Variants in NPHP4 observed in about 807,000 individuals in gnomAD.
NPHP4 encodes nephrocystin-4.
NPHP4 carries 151 observed loss-of-function variants against 155.8 expected under a neutral mutation model. The observed-to-expected ratio is 0.97, with a 90% confidence interval of 0.85 to 1.11. The LOEUF (loss-of-function observed/expected upper bound fraction) is 1.11. NPHP4 is among the 50% of genes least tolerant of loss of function. The pLI, the probability that NPHP4 is intolerant of heterozygous loss-of-function variation, is 0.00. For synonymous variants in NPHP4, 845 were observed against 816.8 expected (o/e 1.03, Z -0.59); for missense variants, 1,956 against 1,925.7 (o/e 1.02, Z -0.29).
chr1:5,881,792 A>G (rs1643309604), intron 18 of NPHP4: 1 of 152,256 alleles, frequency 6.6e-6, no homozygotes, highest in Non-Finnish European at 1.5e-5. Context: ...TCTCAGTCCA[A>G]GCCAGGCTGG....
At chr1:5,900,445 G>C (rs1331961451) in intron 16 of NPHP4, among the ~76,000 whole-genome samples, 2 of 152,148 alleles carry the variant, frequency 1.3e-5, no homozygotes, top group East Asian at 1.9e-4. Flanking sequence ...CTGGGGGGAA[G>C]AAACCAGTTT....
intron 10 of NPHP4, among the ~76,000 whole-genome samples, chr1:5,928,037 G>T (rs1011763486): frequency 6.6e-6 from 1 of 152,094 alleles, no homozygotes; most frequent in African/African-American, 2.4e-5. Context: ...AATCTCTCTC[G>T]AGTTGTGAAT....
At chr1:5,973,541 C>T (rs1467401866) in intron 3 of NPHP4, among the ~76,000 whole-genome samples, 8 of 152,114 alleles carry the variant, frequency 5.3e-5, no homozygotes, top group African/African-American at 1.9e-4. Context: ...GAGCTATGAT[C>T]GCACCATTGC....
chr1:5,937,261 C>A (rs114412074), intron 9 of NPHP4, among the ~76,000 whole-genome samples: 2,714 of 152,090 alleles, frequency 0.018, 36 homozygotes, highest in Non-Finnish European at 0.029. Flanking sequence ...AGAAACTTAG[C>A]CCTACCACAC....
At position 5,961,965 on chromosome 1, in the gene NPHP4, CA is replaced by C; in HGVS notation, c.518-17del. The C allele has an allele frequency of 2.5e-6, 4 of 1,586,270 alleles. No homozygotes were observed. The highest frequency in any genetic ancestry group is 3.5e-6 in the Non-Finnish European group (4 of 1,157,330). On this transcript the variant is annotated splice_polypyrimidine_tract_variant and intron_variant, in intron 5 of 29. Coordinates refer to ENST00000378156, the MANE Select transcript of NPHP4 (RefSeq NM_015102.5). Reference sequence around the variant, plus strand: ...TGTCTGTTTTCTGGTGAAGAAAACACAATGTGATCAACTGATAGCTGAAAGC... The same window carrying C: ...TGTCTGTTTTCTGGTGAAGAAAACACATGTGATCAACTGATAGCTGAAAGC...
In NPHP4 at chr1:5,889,488, A is replaced by G. The variant is rs1644001800; in HGVS notation, c.2304+1380T>C. Among the ~76,000 whole-genome samples the G allele has an allele frequency of 6.6e-6, 1 of 152,128 alleles. No individual in the cohort carries two copies. The highest frequency in any genetic ancestry group is 1.9e-4 in the East Asian group (1 of 5,186). On this transcript the variant is annotated intron_variant, in intron 17 of 29. Coordinates refer to ENST00000378156, the MANE Select transcript of NPHP4 (RefSeq NM_015102.5). The surrounding 1 kb of genome is among the most constrained non-coding windows in gnomAD (Gnocchi z 4.2). ...TAAGGGGCTCTTCGTGTAGGGGGAG[A>G]TCAAATGGCTTCCGTCTCCAGGTGG...
chr1:5,873,494 A>G, intron 22 of NPHP4, 159 bp from the exon 23 acceptor site: 1 of 660,840 alleles, frequency 1.5e-6, no homozygotes, highest in South Asian at 1.7e-5. Context: ...TCACTGTGCC[A>G]GAGAAGGCTG....
chr1:5,962,514 G>C (rs921327487), intron 5 of NPHP4, among the ~76,000 whole-genome samples: 3 of 152,210 alleles, frequency 2.0e-5, no homozygotes, highest in Non-Finnish European at 2.9e-5. Flanking sequence ...GCCTGCCTTT[G>C]TGTGTCAGCA....
chr1:5,916,393 T>C (rs1228632588), intron 11 of NPHP4, among the ~76,000 whole-genome samples: 1 of 152,198 alleles, frequency 6.6e-6, no homozygotes, highest in Non-Finnish European at 1.5e-5. Flanking sequence ...CTAGTGGGTA[T>C]TTAAAAGTCT....
Position 5,890,975 on chromosome 1 carries a change from C to T in NPHP4, c.2197G>A (p.Gly733Ser). Reference protein sequence around the residue: ...YMVGPGFLKPGERRCFARYLA... With the variant: ...YMVGPGFLKPSERRCFARYLA... ...TAGCGGGCAAAGCAGCGCCGCTCAC[C>T]TGGCTTCAGGAACCCAGGGCCCACC... Residue 733 changes from glycine (G) to serine (S), a missense_variant, in exon 17 of 30, where the codon GGT (glycine) becomes AGT (serine). By Grantham distance (56) the Gly-to-Ser change is moderately conservative. Transcript: ENST00000378156. The surrounding 1 kb of genome is among the most constrained non-coding windows in gnomAD (Gnocchi z 4.9). 6.3e-7 allele frequency: 1 copy of T among 1,589,078 alleles called. No individual in the cohort carries two copies. The highest frequency in any genetic ancestry group is 8.6e-7 in the Non-Finnish European group (1 of 1,160,850).
In NPHP4 at chr1:5,878,833, G is replaced by T. The variant is rs139625068; in HGVS notation, c.2611+1281C>A. Among the ~76,000 whole-genome samples, 840 of 152,230 alleles carry T rather than the reference G, an allele frequency of 5.5e-3. 6 individuals are homozygous for T. Among genetic ancestry groups the T allele is most frequent in the Middle Eastern group, 0.01 (3 of 294 alleles). Reference sequence around the variant, plus strand: ...TGGAGCTCAGGGACTTCTCTCTAAGGAGCTGGCTCTCCACCGTACTCTAGG... The same window carrying T: ...TGGAGCTCAGGGACTTCTCTCTAAGTAGCTGGCTCTCCACCGTACTCTAGG... On this transcript the variant is annotated intron_variant, in intron 19 of 29. Transcript: ENST00000378156.
intron 11 of NPHP4, among the ~76,000 whole-genome samples, chr1:5,925,407 C>T (rs1450159494): frequency 1.3e-5 from 2 of 152,160 alleles, no homozygotes; most frequent in South Asian, 2.1e-4. Context: ...GGAACCAGTC[C>T]CCCACGGATA....
chr1:5,878,354 T>G (rs895604891), intron 19 of NPHP4, among the ~76,000 whole-genome samples: 4 of 152,208 alleles, frequency 2.6e-5, no homozygotes, highest in African/African-American at 9.6e-5. Flanking sequence ...CCCGCGTGGC[T>G]CTTACAAGTC....
chr1:5,864,503 A>C lies in NPHP4; in HGVS notation c.3831T>G (p.Gly1277=). ...CCCCACGAGGCGGCAGCACGAAGACACCTTTGGGGTCTGTCTTCAAGAGCG... is the reference window on the plus strand; with the variant it reads ...CCCCACGAGGCGGCAGCACGAAGACCCCTTTGGGGTCTGTCTTCAAGAGCG... ...HPQELKTDPK[G]VFVLPPRGVQ... is the part of the protein sequence containing the mutation. Residue 1277 remains glycine, a synonymous_variant, in exon 28 of 30, where the codon GGT becomes GGG. Transcript: ENST00000378156. 6.3e-7 allele frequency: 1 copy of C among 1,578,008 alleles called. No homozygotes were observed. The highest frequency in any genetic ancestry group is 1.8e-5 in the Admixed American group (1 of 55,584).
At chr1:5,881,698 A>C (rs1643299524) in intron 18 of NPHP4, 1 of 152,258 alleles carries the variant, frequency 6.6e-6, no homozygotes, top group East Asian at 1.9e-4. Flanking sequence ...GTGACGCAGC[A>C]GCGAACAATC....
chr1:5,953,485 T>C (rs1218495698), intron 6 of NPHP4, among the ~76,000 whole-genome samples: 1 of 152,238 alleles, frequency 6.6e-6, no homozygotes, highest in Non-Finnish European at 1.5e-5. Context: ...TGCAGCCTGC[T>C]GCCCGGCATG....
chr1:5,909,218 G>A lies in NPHP4; in HGVS notation c.1442-5C>T. On this transcript the variant is annotated splice_region_variant and splice_polypyrimidine_tract_variant and intron_variant, in intron 11 of 29. Coordinates refer to ENST00000378156, the MANE Select transcript of NPHP4 (RefSeq NM_015102.5). ...GAGGTACTGGCGCTGGCGGGCCTGGGAGGAAGCACAGTGGGGTAGGAGAGG... is the reference window on the plus strand; with the variant it reads ...GAGGTACTGGCGCTGGCGGGCCTGGAAGGAAGCACAGTGGGGTAGGAGAGG... 1 of 1,600,902 alleles carries A rather than the reference G, an allele frequency of 6.2e-7. No individual in the cohort carries two copies. The highest frequency in any genetic ancestry group is 8.5e-7 in the Non-Finnish European group (1 of 1,173,956).
At position 5,867,350 on chromosome 1, in the gene NPHP4, G is replaced by C. The variant is rs556446053; in HGVS notation, c.3473-235C>G. On this transcript the variant is annotated intron_variant, in intron 24 of 29. Coordinates refer to ENST00000378156, the MANE Select transcript of NPHP4 (RefSeq NM_015102.5). This position sits in a 1 kb window ranked among gnomAD's most constrained non-coding sequence, Gnocchi z 4.1. ...GCTCGGCTGCAGCCATCTCCACAGG[G>C]AATAATCGAGGGGGCCACAAAAAAG... 1.8e-6 allele frequency: 1 copy of C among 559,484 alleles called. No individual in the cohort carries two copies. Among genetic ancestry groups the C allele is most frequent in the Non-Finnish European group, 3.2e-6 (1 of 315,908 alleles). 34.7% of individuals were successfully genotyped at this position (559,484 alleles called of 1,614,324 possible).
chr1:5,876,983 G>A (rs1411962856), intron 20 of NPHP4, 110 bp downstream of exon 20: 5 of 754,668 alleles, frequency 6.6e-6, no homozygotes, highest in African/African-American at 3.6e-5. Flanking sequence ...CTGTCCCCAG[G>A]ATTTGGGAGG....
Sources: gnomAD v4.1 joint callset for allele counts (sites outside exome capture counted in the v4.1 genomes callset) on GRCh38, gnomAD v4.1.1 for gene constraint, Gnocchi (gnomAD v3.1) non-coding constraint, MANE v1.5 for transcripts, NCBI Gene and HGNC (gene_info 2026-07-23, HGNC 2026-07-21) for gene names.